Variants in PML observed in about 807,000 individuals in gnomAD.
PML encodes PML nuclear body scaffold.
PML carries 28 observed loss-of-function variants against 65.2 expected under a neutral mutation model. The observed-to-expected ratio is 0.43, with a 90% CI of 0.32 to 0.59. The LOEUF (loss-of-function observed/expected upper bound fraction) is 0.59. Ranked by LOEUF, PML falls within the 20% of genes least tolerant of loss-of-function variation. The pLI is 0.08. For missense variants in PML, 1,021 were observed against 1,203.4 expected, an observed-to-expected ratio of 0.85 and a Z score of 2.24; for synonymous variants, 500 against 508.8, an observed-to-expected ratio of 0.98 and a Z score of 0.23.
chr15:74,037,253 C>G lies in PML; in HGVS notation c.1710+2723C>G, dbSNP rs922366459. On this transcript the variant is annotated intron_variant, in intron 7 of 8. Coordinates refer to ENST00000268058, the MANE Select transcript of PML (RefSeq NM_033238.3). This position sits in a 1 kb window ranked among gnomAD's most constrained non-coding sequence, Gnocchi z 4.2. ...GGCACCTTCTGCTCCAGGGAGAAAA[C>G]AGGAGCTCTCCAATGGCATAGGGAC... 14 of 985,300 alleles carry G rather than the reference C, an allele frequency of 1.4e-5. No individual in the cohort carries two copies. Among genetic ancestry groups the G allele is most frequent in the Non-Finnish European group, 1.6e-5 (13 of 829,932 alleles). The allele number at this position is 985,300 out of a possible 1,614,324, so 61.0% of individuals were successfully genotyped here.
At chr15:74,038,949 G>T (rs543679740) in intron 7 of PML, among the ~76,000 whole-genome samples, 1 of 152,202 alleles carries the variant, frequency 6.6e-6, no homozygotes, top group Non-Finnish European at 1.5e-5. Context: ...GAGTACCTGG[G>T]GTGAGGACTT....
chr15:74,036,350 G>C, intron 7 of PML: 1 of 1,406,596 alleles, frequency 7.1e-7, no homozygotes, highest in Non-Finnish European at 9.2e-7. Flanking sequence ...GCTATCCCAA[G>C]ACCTGGCAGA....
chr15:74,029,919 TC>T (rs950045020), intron 4 of PML, among the ~76,000 whole-genome samples: 21 of 152,060 alleles, frequency 1.4e-4, no homozygotes, highest in African/African-American at 5.1e-4. Context: ...AGAGAGGTCA[TC>T]CTCCTTCTTT....
In PML at chr15:74,045,028, T is replaced by A. The variant is rs2071757784; in HGVS notation, c.*20T>A. 6.3e-7 allele frequency: 1 copy of A among 1,576,054 alleles called. No homozygotes were observed. The highest frequency in any genetic ancestry group is 1.3e-5 in the African/African-American group (1 of 74,238). On this transcript the variant is annotated 3_prime_UTR_variant, in exon 9 of 9. Transcript: ENST00000268058. ...AGCTGAGAGGAGGGGGTGACCAGCT[T>A]GGAGTCTCTGGTGGGCAGAGAGGGA...
chr15:74,012,483 T>G (rs899978745), intron 2 of PML, among the ~76,000 whole-genome samples: 1 of 152,146 alleles, frequency 6.6e-6, no homozygotes, highest in African/African-American at 2.4e-5. Context: ...CATTTTTTTG[T>G]ATTTTTAGTA....
At chr15:74,036,160 T>C in intron 7 of PML, 2 of 1,604,756 alleles carry the variant, frequency 1.2e-6, no homozygotes, top group South Asian at 1.1e-5. Flanking sequence ...GGCTAAGGCA[T>C]GGCTGAGATT....
At position 74,047,001 on chromosome 15, in the gene PML, C is replaced by G. The variant is rs571056665; in HGVS notation, c.*1993C>G. ...CCCCCACATGACAAGTGGGGAGACCCAGGGTAGGCTTTCCTTTGGATCATC... is the reference window on the plus strand; with the variant it reads ...CCCCCACATGACAAGTGGGGAGACCGAGGGTAGGCTTTCCTTTGGATCATC... On this transcript the variant is annotated 3_prime_UTR_variant, in exon 9 of 9. Transcript: ENST00000268058. 1 of 229,642 alleles carries G rather than the reference C, an allele frequency of 4.4e-6. No homozygotes were observed. Among genetic ancestry groups the G allele is most frequent in the Non-Finnish European group, 8.6e-6 (1 of 115,894 alleles). 14.2% of individuals were successfully genotyped at this position (229,642 alleles called of 1,614,324 possible). A position where few individuals can be genotyped will look rare whatever the true frequency, so the allele number is the denominator to read the frequency against.
At chr15:74,003,623 T>C (rs1378781564) in intron 2 of PML, among the ~76,000 whole-genome samples, 2 of 152,234 alleles carry the variant, frequency 1.3e-5, no homozygotes, top group African/African-American at 4.8e-5. Flanking sequence ...ATGTGAACTT[T>C]TAGTTCCAGA....
Position 74,032,627 on chromosome 15 carries a change from C to A in PML, c.1310C>A (p.Ala437Asp), listed in dbSNP as rs747633287. ...AQVQALGLAE[A>D]QPMAVVQSVP... ...GTTCAGGCCCTGGGGCTGGCTGAAG[C>A]CCAGCCTATGGCTGTGGTACAGTCA... Residue 437 changes from alanine (A) to aspartate (D), a missense_variant, in exon 5 of 9, where the codon GCC becomes GAC. Coordinates refer to ENST00000268058, the MANE Select transcript of PML (RefSeq NM_033238.3). 1 of 1,613,982 alleles carries A rather than the reference C, an allele frequency of 6.2e-7. No individual in the cohort carries two copies. Among genetic ancestry groups the A allele is most frequent in the East Asian group, 2.2e-5 (1 of 44,890 alleles).
intron 4 of PML, chr15:74,028,044 A>G (rs746165734): frequency 6.6e-6 from 1 of 152,228 alleles, no homozygotes; most frequent in African/African-American, 2.4e-5. Context: ...TTGCAACTAT[A>G]TGCCTGGAAG....
At chr15:74,005,234 G>C (rs981910579) in intron 2 of PML, among the ~76,000 whole-genome samples, 4 of 151,040 alleles carry the variant, frequency 2.6e-5, no homozygotes, top group African/African-American at 7.3e-5. Context: ...TGTATTATTA[G>C]TAGAGACGGC....
chr15:73,995,011 G>A (rs1305894422), intron 1 of PML, 70 bp downstream of exon 1: 12 of 1,386,526 alleles, frequency 8.7e-6, no homozygotes, highest in Admixed American at 2.5e-5. Context: ...GGCGGGAAGA[G>A]AGGGTCTAAC....
At chr15:74,010,687 A>C (rs966395220) in intron 2 of PML, among the ~76,000 whole-genome samples, 7 of 152,110 alleles carry the variant, frequency 4.6e-5, no homozygotes, top group African/African-American at 1.7e-4. Flanking sequence ...CCAGATGAAA[A>C]AGAATGCCTG....
chr15:74,023,112 A>G lies in PML; in HGVS notation c.887A>G (p.Glu296Gly), dbSNP rs755656820. ...GCTCACGTGCGGGCTCAGGAGCGCGAGCTGCTGGAGGCTGTGGACGCGCGG... is the reference window on the plus strand; with the variant it reads ...GCTCACGTGCGGGCTCAGGAGCGCGGGCTGCTGGAGGCTGTGGACGCGCGG... ...VVAHVRAQER[E>G]LLEAVDARYQ... Residue 296 changes from glutamate to glycine, a missense_variant, in exon 3 of 9, where the codon GAG becomes GGG. By Grantham distance (98) the Glu-to-Gly change is moderately conservative (BLOSUM62 -2). Transcript: ENST00000268058. 1.9e-6 allele frequency: 3 copies of G among 1,603,798 alleles called. No individual in the cohort carries two copies. The highest frequency in any genetic ancestry group is 2.5e-6 in the Non-Finnish European group (3 of 1,179,020).
intron 2 of PML, among the ~76,000 whole-genome samples, chr15:73,999,635 G>T (rs11636016): frequency 0.57 from 86,283 of 151,824 alleles, 24,804 homozygotes; most frequent in Non-Finnish European, 0.62. Context: ...TGTTGTTTCC[G>T]TTGAGGAATT....
At position 74,033,254 on chromosome 15, in the gene PML, A is replaced by G. The variant is rs1393360979; in HGVS notation, c.1497A>G (p.Ala499=). Residue 499 remains alanine, a synonymous_variant, in exon 6 of 9, where the codon GCA becomes GCG. Transcript: ENST00000268058. ...TGGAGTCTGAGGAGGGGAAGGAGGC[A>G]AGGTTGGCTCGGAGCTCCCCGGAGC... ...IKMESEEGKE[A]RLARSSPEQP... 6.2e-7 allele frequency: 1 copy of G among 1,614,228 alleles called. No homozygotes were observed. The highest frequency in any genetic ancestry group is 1.7e-5 in the Admixed American group (1 of 60,024).
intron 5 of PML, 29 bp downstream of exon 5, chr15:74,032,744 C>A: frequency 6.2e-7 from 1 of 1,611,974 alleles, no homozygotes; most frequent in South Asian, 1.1e-5. Context: ...CCAGCCTTCC[C>A]TCCTGAAGGC....
At chr15:74,039,238 A>G (rs1437241200) in intron 7 of PML, among the ~76,000 whole-genome samples, 1 of 152,086 alleles carries the variant, frequency 6.6e-6, no homozygotes, top group African/African-American at 2.4e-5. Context: ...AATGAAACGG[A>G]GGTGCTGGCC....
Position 74,047,357 on chromosome 15 carries a change from G to A in PML, c.*2349G>A, listed in dbSNP as rs762215357. ...GCGTGGGTGAGCAGCCAGGTAATGG[G>A]AATTGATCAGTGCCACCACCCTTGA... On this transcript the variant is annotated 3_prime_UTR_variant, in exon 9 of 9. Coordinates refer to ENST00000268058, the MANE Select transcript of PML (RefSeq NM_033238.3). 30 of 230,952 alleles carry A rather than the reference G, an allele frequency of 1.3e-4. No homozygotes were observed. Among genetic ancestry groups the A allele is most frequent in the Non-Finnish European group, 2.5e-4 (29 of 116,678 alleles). 14.3% of individuals were successfully genotyped at this position (230,952 alleles called of 1,614,324 possible).
Sources: gnomAD v4.1 joint callset for allele counts (sites outside exome capture counted in the v4.1 genomes callset) on GRCh38, gnomAD v4.1.1 for gene constraint, Gnocchi (gnomAD v3.1) non-coding constraint, MANE v1.5 for transcripts, NCBI Gene and HGNC (gene_info 2026-07-23, HGNC 2026-07-21) for gene names.